The following AKAP6 variants were observed in gnomAD, a reference collection of about 807,000 sequenced individuals.
The protein encoded by AKAP6 is A-kinase anchor protein 6.
Under a neutral mutation model 188.5 loss-of-function variants are expected in AKAP6, and 58 were observed. The ratio of observed to expected loss-of-function variants is 0.31; its 90% CI spans 0.25 to 0.38. The LOEUF (loss-of-function observed/expected upper bound fraction) is 0.38. AKAP6 is among the 10% of genes least tolerant of loss of function. AKAP6 has a pLI of 1.00. For missense variants in AKAP6, 2,710 were observed against 2,740.0 expected, an observed-to-expected ratio of 0.99 and a Z score of 0.24; for synonymous variants, 989 against 998.6, an observed-to-expected ratio of 0.99 and a Z score of 0.18.
chr14:32,770,636 A>AT (rs1176945547), intron 11 of AKAP6, among the ~76,000 whole-genome samples: 3 of 152,156 alleles, frequency 2.0e-5, no homozygotes, highest in Non-Finnish European at 4.4e-5. Flanking sequence ...CATACCTCTC[A>AT]GCCTTCTACC....
At chr14:32,779,226 T>A (rs1244019855) in intron 12 of AKAP6, among the ~76,000 whole-genome samples, 2 of 151,016 alleles carry the variant, frequency 1.3e-5, no homozygotes, top group African/African-American at 4.9e-5. Context: ...TGAAACCCCG[T>A]CACTACAAAA....
At chr14:32,583,538 T>A (rs549930403) in intron 5 of AKAP6, among the ~76,000 whole-genome samples, 1 of 152,324 alleles carries the variant, frequency 6.6e-6, no homozygotes, top group Admixed American at 6.5e-5. Flanking sequence ...CTGCAGAGGT[T>A]ACTGCTGTCT....
intron 2 of AKAP6, chr14:32,495,509 AGCAC>A: frequency 6.6e-6 from 1 of 152,176 alleles, no homozygotes; most frequent in Non-Finnish European, 1.5e-5. Context: ...TCCTGCACAT[AGCAC>A]GTTTATGTTA....
At chr14:32,817,451 CTGTGTGTGTG>C (rs5807685) in intron 12 of AKAP6, among the ~76,000 whole-genome samples, 6 of 144,586 alleles carry the variant, frequency 4.1e-5, no homozygotes, top group African/African-American at 1.5e-4. Flanking sequence ...ATCTGTATAG[CTGTGTGTGTG>C]TGTGTGTGTG....
chr14:32,764,821 T>A (rs2032656357), intron 11 of AKAP6, among the ~76,000 whole-genome samples: 1 of 152,118 alleles, frequency 6.6e-6, no homozygotes, highest in Non-Finnish European at 1.5e-5. Context: ...AAAATGTTGG[T>A]CATTACTGCT....
At chr14:32,372,661 T>C (rs1372833498) in intron 1 of AKAP6, among the ~76,000 whole-genome samples, 1 of 151,856 alleles carries the variant, frequency 6.6e-6, no homozygotes, top group Non-Finnish European at 1.5e-5. Flanking sequence ...TTGGCAAGAA[T>C]TTTTCTGAAA....
At chr14:32,774,926 C>A (rs147364836) in intron 12 of AKAP6, among the ~76,000 whole-genome samples, 2,157 of 152,252 alleles carry the variant, frequency 0.014, 21 homozygotes, top group Non-Finnish European at 0.021. Context: ...TGCTCTTTGA[C>A]GTGTTAGGCA....
intron 1 of AKAP6, among the ~76,000 whole-genome samples, chr14:32,398,487 C>T (rs546015772): frequency 6.6e-6 from 1 of 152,264 alleles, no homozygotes; most frequent in South Asian, 2.1e-4. Flanking sequence ...TTCCCTTAGC[C>T]AGGAATGGAT....
At chr14:32,629,618 G>C (rs1034419909) in intron 7 of AKAP6, among the ~76,000 whole-genome samples, 3 of 151,714 alleles carry the variant, frequency 2.0e-5, no homozygotes, top group East Asian at 3.9e-4. Flanking sequence ...TTTGTTGCTA[G>C]TAAGAGAATG....
intron 8 of AKAP6, among the ~76,000 whole-genome samples, chr14:32,694,205 C>T (rs1004589144): frequency 2.0e-5 from 3 of 151,872 alleles, no homozygotes; most frequent in Non-Finnish European, 4.4e-5. Flanking sequence ...ACCAAAAATA[C>T]AAAAAATTAG....
At chr14:32,607,035 C>T (rs78818581) in intron 7 of AKAP6, among the ~76,000 whole-genome samples, 2,176 of 152,244 alleles carry the variant, frequency 0.014, 46 homozygotes, top group African/African-American at 0.047. Flanking sequence ...ATGCCCAAGT[C>T]TTAACCCAGT....
At chr14:32,628,128 T>C (rs554081901) in intron 7 of AKAP6, 1 of 152,204 alleles carries the variant, frequency 6.6e-6, no homozygotes, top group Admixed American at 6.6e-5. Flanking sequence ...TACACAATAA[T>C]CTTCCACAGA....
chr14:32,677,317 T>C (rs1889474641), intron 7 of AKAP6, among the ~76,000 whole-genome samples: 1 of 152,200 alleles, frequency 6.6e-6, no homozygotes, highest in Non-Finnish European at 1.5e-5. Flanking sequence ...CTTTTCTTCT[T>C]ACGTGTTATG....
chr14:32,824,719 T>C lies in AKAP6; in HGVS notation c.6906T>C (p.Cys2302=), dbSNP rs368068622. The C allele has an allele frequency of 6.2e-6, 10 of 1,613,290 alleles. No individual in the cohort carries two copies. The African/African-American group carries it at 1.2e-4, about 19-fold the overall frequency. The part of the protein sequence containing the change: ...ALHPSPKTLT[C]EENLLNLHEK... ...ATCCCAGCCCCAAAACTTTAACCTGTGAAGAAAATCTTCTAAACCTTCATG... is the reference window on the plus strand; with the variant it reads ...ATCCCAGCCCCAAAACTTTAACCTGCGAAGAAAATCTTCTAAACCTTCATG... The change falls in exon 13 of 14, where the codon TGT becomes TGC. Residue 2302 remains cysteine (C), a synonymous_variant. Transcript: ENST00000280979.
intron 2 of AKAP6, among the ~76,000 whole-genome samples, chr14:32,475,026 G>C (rs1321900206): frequency 6.6e-6 from 1 of 152,082 alleles, no homozygotes; most frequent in Non-Finnish European, 1.5e-5. Context: ...AAATACATAC[G>C]TAGAGCTACA....
intron 2 of AKAP6, among the ~76,000 whole-genome samples, chr14:32,451,954 A>G (rs1890949247): frequency 7.0e-6 from 1 of 142,092 alleles, no homozygotes; most frequent in South Asian, 2.2e-4. Flanking sequence ...CCATATTTCT[A>G]CTTTACCAAC....
chr14:32,344,112 T>C (rs1472722566), intron 1 of AKAP6, among the ~76,000 whole-genome samples: 1 of 152,206 alleles, frequency 6.6e-6, no homozygotes, highest in Non-Finnish European at 1.5e-5. Context: ...CTACTCTCCC[T>C]GTGTTCCCAG....
chr14:32,331,791 A>C (rs944239433), intron 1 of AKAP6, among the ~76,000 whole-genome samples: 1 of 152,120 alleles, frequency 6.6e-6, no homozygotes, highest in Non-Finnish European at 1.5e-5. Context: ...TTTGTTTCAC[A>C]GTAATGATAG....
At position 32,432,960 on chromosome 14, in the gene AKAP6, C is replaced by G. The variant is rs1885132; in HGVS notation, c.-34-500C>G. On this transcript the variant is annotated intron_variant, in intron 1 of 13. Coordinates refer to ENST00000280979, the MANE Select transcript of AKAP6 (RefSeq NM_004274.5). ...AAAGGCCTCTCTGGGTCTGAGTTGCCAGCTGCTCTAGCCATCAAGTCCACA... is the reference window on the plus strand; with the variant it reads ...AAAGGCCTCTCTGGGTCTGAGTTGCGAGCTGCTCTAGCCATCAAGTCCACA... Among the ~76,000 whole-genome samples, 588 of 152,236 alleles carry G rather than the reference C, an allele frequency of 3.9e-3. 6 individuals carry two copies. The highest frequency in any genetic ancestry group is 0.013 in the African/African-American group (520 of 41,538).
Sources: allele counts gnomAD v4.1 joint callset (sites outside exome capture counted in the v4.1 genomes callset), GRCh38; gene constraint gnomAD v4.1.1; transcripts MANE v1.5; gene names NCBI Gene and HGNC (gene_info 2026-07-23, HGNC 2026-07-21).